The following TIAM1 variants were observed in gnomAD, a reference collection of about 807,000 sequenced individuals.
TIAM1 encodes the protein TIAM Rac1 associated GEF 1, also known as rho guanine nucleotide exchange factor TIAM1.
A neutral mutation model predicts 163.5 loss-of-function variants in TIAM1; 65 were observed. The observed-to-expected ratio is 0.40, with a 90% CI of 0.33 to 0.49. The LOEUF (loss-of-function observed/expected upper bound fraction) is 0.49, where lower values mean the gene tolerates loss of function less well. Among genes scored for constraint, TIAM1 ranks in the 20% least tolerant of loss-of-function variants. The pLI, the probability that TIAM1 is intolerant of heterozygous loss-of-function variation, is 0.77. For synonymous variants in TIAM1, 833 were observed against 810.1 expected (o/e 1.03, Z -0.48); for missense variants, 1,789 against 2,044.7 (o/e 0.87, Z 2.41).
chr21:31,375,233 T>C (rs2076663565), intron 2 of TIAM1, among the ~76,000 whole-genome samples: 1 of 152,144 alleles, frequency 6.6e-6, no homozygotes, highest in African/African-American at 2.4e-5. Flanking sequence ...CACTGTTTAA[T>C]AGAAAAAAAA....
At chr21:31,190,593 T>C (rs1294928909) in intron 13 of TIAM1, among the ~76,000 whole-genome samples, 1 of 152,128 alleles carries the variant, frequency 6.6e-6, no homozygotes, top group Admixed American at 6.6e-5. Flanking sequence ...AAAAATATAA[T>C]AGTACTAGAA....
At chr21:31,220,704 T>C (rs73351597) in intron 8 of TIAM1, among the ~76,000 whole-genome samples, 2,608 of 152,280 alleles carry the variant, frequency 0.017, 87 homozygotes, top group African/African-American at 0.06. Context: ...AAGTAACCAC[T>C]ATCCCCAAGA....
intron 2 of TIAM1, among the ~76,000 whole-genome samples, chr21:31,429,964 G>T (rs1291130279): frequency 6.6e-6 from 1 of 152,078 alleles, no homozygotes; most frequent in Non-Finnish European, 1.5e-5. Flanking sequence ...CTAGCACTTT[G>T]GGAGGCCTAG....
chr21:31,376,416 C>T (rs2076688866), intron 2 of TIAM1, among the ~76,000 whole-genome samples: 1 of 152,198 alleles, frequency 6.6e-6, no homozygotes, highest in African/African-American at 2.4e-5. Context: ...GCACCCTCTC[C>T]ATTTCATGTT....
At chr21:31,166,910 G>T (rs907170975) in intron 15 of TIAM1, among the ~76,000 whole-genome samples, 1 of 152,134 alleles carries the variant, frequency 6.6e-6, no homozygotes, top group Admixed American at 6.5e-5. Flanking sequence ...GAGCAGCCAG[G>T]AGGCACGACT....
intron 2 of TIAM1, among the ~76,000 whole-genome samples, chr21:31,364,160 C>G (rs568411228): frequency 4.6e-5 from 7 of 152,312 alleles, no homozygotes; most frequent in Non-Finnish European, 8.8e-5. Context: ...CGATAGCTTT[C>G]TTAAGTAACT....
At chr21:31,304,476 G>C (rs926710302) in intron 2 of TIAM1, among the ~76,000 whole-genome samples, 3 of 152,114 alleles carry the variant, frequency 2.0e-5, no homozygotes, top group African/African-American at 7.2e-5. Flanking sequence ...CCATCTTACA[G>C]CCTCAAAATT....
At position 31,305,787 on chromosome 21, in the gene TIAM1, T is replaced by C. The variant is rs568077873; in HGVS notation, c.-188-28879A>G. ...TTTTTCAATTTAGGCACAAAAACAA[T>C]TCTCCCTAAAACCTCCAGGAAAAAA... On this transcript the variant is annotated intron_variant, in intron 2 of 27. Coordinates refer to ENST00000541036, the MANE Select transcript of TIAM1 (RefSeq NM_001353694.2). Among the ~76,000 whole-genome samples the C allele has an allele frequency of 6.6e-5, 10 of 152,260 alleles. No homozygotes were observed. In the East Asian group the frequency reaches 1.9e-3, roughly 29 times the overall value.
intron 6 of TIAM1, among the ~76,000 whole-genome samples, chr21:31,230,742 C>T (rs1370106694): frequency 6.6e-6 from 1 of 152,168 alleles, no homozygotes; most frequent in Admixed American, 6.5e-5. Context: ...CCATGTTGGC[C>T]AGTCTGGTCT....
At chr21:31,393,805 C>T (rs2077007461) in intron 2 of TIAM1, among the ~76,000 whole-genome samples, 1 of 152,174 alleles carries the variant, frequency 6.6e-6, no homozygotes, top group East Asian at 1.9e-4. Flanking sequence ...GTCTTTACCA[C>T]TGACTGTTAT....
intron 2 of TIAM1, among the ~76,000 whole-genome samples, chr21:31,411,702 C>G (rs2077361509): frequency 6.6e-6 from 1 of 152,128 alleles, no homozygotes; most frequent in Admixed American, 6.5e-5. Flanking sequence ...TCTCAAACTC[C>G]TGGCCTCAAG....
intron 4 of TIAM1, among the ~76,000 whole-genome samples, chr21:31,262,331 C>T (rs2146798454): frequency 6.6e-6 from 1 of 152,346 alleles, no homozygotes; most frequent in South Asian, 2.1e-4. Context: ...AGGCAGCCCC[C>T]TCCTCTGTCT....
At chr21:31,244,199 C>T (rs1182893545) in intron 6 of TIAM1, among the ~76,000 whole-genome samples, 1 of 152,188 alleles carries the variant, frequency 6.6e-6, no homozygotes, top group Non-Finnish European at 1.5e-5. Flanking sequence ...ATATTTCTTA[C>T]TTTAATTGTC....
At chr21:31,493,674 A>G (rs1217325116) in intron 1 of TIAM1, among the ~76,000 whole-genome samples, 2 of 152,172 alleles carry the variant, frequency 1.3e-5, no homozygotes, top group African/African-American at 4.8e-5. Context: ...ACGAAGGGTT[A>G]GAAGAATAGC....
intron 8 of TIAM1, among the ~76,000 whole-genome samples, chr21:31,221,915 A>G (rs1184611357): frequency 6.6e-6 from 1 of 152,196 alleles, no homozygotes; most frequent in African/African-American, 2.4e-5. Context: ...CAAAAACTGA[A>G]AACGTTTTGT....
At chr21:31,131,150 T>C (rs1015985350) in intron 23 of TIAM1, among the ~76,000 whole-genome samples, 2 of 152,126 alleles carry the variant, frequency 1.3e-5, no homozygotes, top group African/African-American at 4.8e-5. Flanking sequence ...AGGTTCAAAA[T>C]AAACATAGAA....
At chr21:31,359,201 C>T (rs35310290) in intron 2 of TIAM1, among the ~76,000 whole-genome samples, 7 of 152,298 alleles carry the variant, frequency 4.6e-5, no homozygotes, top group Non-Finnish European at 7.4e-5. Context: ...TTCCAACACA[C>T]TGAATCATTA....
At chr21:31,465,919 G>A (rs1192187253) in intron 1 of TIAM1, among the ~76,000 whole-genome samples, 1 of 152,108 alleles carries the variant, frequency 6.6e-6, no homozygotes, top group Non-Finnish European at 1.5e-5. Context: ...TGTTGGCCTG[G>A]CTGGACTCGA....
At chr21:31,494,314 G>A (rs990948336) in intron 1 of TIAM1, among the ~76,000 whole-genome samples, 3 of 152,082 alleles carry the variant, frequency 2.0e-5, no homozygotes, top group Admixed American at 6.6e-5. Flanking sequence ...TTCCACAAGT[G>A]ATCCAATCCA....
Sources: allele counts gnomAD v4.1 joint callset (sites outside exome capture counted in the v4.1 genomes callset), GRCh38; gene constraint gnomAD v4.1.1; transcripts MANE v1.5; gene names NCBI Gene and HGNC (gene_info 2026-07-23, HGNC 2026-07-21).